The following STPG4 variants were observed in gnomAD, a reference collection of about 807,000 sequenced individuals.
STPG4 encodes the protein protein STPG4.
A neutral mutation model predicts 31.5 loss-of-function variants in STPG4; 41 were observed. That is an observed-to-expected ratio of 1.30 (90% CI 1.01 to 1.69). The LOEUF (loss-of-function observed/expected upper bound fraction) is 1.69. STPG4 is among the 40% of genes most tolerant of loss of function. The pLI, the probability that STPG4 is intolerant of heterozygous loss-of-function variation, is 0.00. For missense variants in STPG4, 375 were observed against 293.4 expected (o/e 1.28, Z -2.03); for synonymous variants, 141 against 103.0 (o/e 1.37, Z -2.24).
At chr2:47,105,279 T>C (rs1422739081) in intron 5 of STPG4, among the ~76,000 whole-genome samples, 2 of 151,926 alleles carry the variant, frequency 1.3e-5, no homozygotes, top group Non-Finnish European at 1.5e-5. Context: ...AAGGCTGGCC[T>C]CGCTGTTTAA....
At chr2:47,131,779 T>A (rs1414625422) in intron 3 of STPG4, among the ~76,000 whole-genome samples, 1 of 152,170 alleles carries the variant, frequency 6.6e-6, no homozygotes, top group East Asian at 1.9e-4. Flanking sequence ...CTAACACTAT[T>A]TCCATCAGGA....
At chr2:47,111,646 T>C (rs1194168476) in intron 5 of STPG4, among the ~76,000 whole-genome samples, 1 of 152,066 alleles carries the variant, frequency 6.6e-6, no homozygotes, top group Non-Finnish European at 1.5e-5. Context: ...TGGTAGAAGT[T>C]TTCAACACAA....
chr2:47,121,166 G>C (rs915371174), intron 5 of STPG4: 2 of 154,252 alleles, frequency 1.3e-5, no homozygotes, highest in African/African-American at 2.4e-5. Context: ...GAAAGCAGAA[G>C]GTCTGGTTGA....
intron 5 of STPG4, among the ~76,000 whole-genome samples, chr2:47,121,591 A>G (rs1326130500): frequency 6.6e-6 from 1 of 152,246 alleles, no homozygotes; most frequent in African/African-American, 2.4e-5. Flanking sequence ...GTATTCATTC[A>G]CTATGACTGC....
intron 5 of STPG4, among the ~76,000 whole-genome samples, chr2:47,110,052 T>C (rs1686004036): frequency 6.7e-6 from 1 of 148,320 alleles, no homozygotes; most frequent in South Asian, 2.1e-4. Context: ...AGAAACCCAC[T>C]TTTTTTTGTT....
chr2:47,091,357 T>C (rs942013947), intron 5 of STPG4, among the ~76,000 whole-genome samples: 25 of 152,236 alleles, frequency 1.6e-4, no homozygotes, highest in African/African-American at 4.1e-4. Flanking sequence ...AGAGTGGTTA[T>C]TGGTTGTTGC....
chr2:47,126,297 CTTCTTCT>C lies in STPG4; in HGVS notation c.519+3637_519+3643del, dbSNP rs552722024. Reference sequence around the variant, plus strand: ...TCTTTCTCCTCTTCCTCCTCTTCCTCTTCTTCTTTCTTCTTTCTTCTTTCTCTCCTTC... The same window carrying C: ...TCTTTCTCCTCTTCCTCCTCTTCCTCTTCTTCTTTCTTCTTTCTCTCCTTC... On this transcript the variant is annotated intron_variant, in intron 5 of 6. Coordinates refer to ENST00000445927, the MANE Select transcript of STPG4 (RefSeq NM_001163561.2). 4.7e-4 allele frequency among the ~76,000 whole-genome samples: 72 copies of C among 151,610 alleles called. 1 individual carries two copies. The South Asian group carries it at 7.3e-3, about 15-fold the overall frequency.
At chr2:47,119,664 T>TA (rs11313929) in intron 5 of STPG4, among the ~76,000 whole-genome samples, 2 of 151,932 alleles carry the variant, frequency 1.3e-5, no homozygotes, top group East Asian at 1.9e-4. Context: ...TCCCATCAAA[T>TA]AAAAAAAGAC....
At chr2:47,144,996 C>A (rs1239208537) in intron 3 of STPG4, among the ~76,000 whole-genome samples, 1 of 152,222 alleles carries the variant, frequency 6.6e-6, no homozygotes, top group Non-Finnish European at 1.5e-5. Flanking sequence ...TCCCAAAGTG[C>A]TGGGATTACA....
At position 47,089,759 on chromosome 2, in the gene STPG4, T is replaced by C. The variant is rs115579350; in HGVS notation, c.624+511A>G. 3.3e-3 allele frequency among the ~76,000 whole-genome samples: 498 copies of C among 152,314 alleles called. 3 individuals are homozygous for C. Among genetic ancestry groups the C allele is most frequent in the African/African-American group, 0.011 (442 of 41,572 alleles). ...TCCTGTATGCTCCCAGGATCCACTT[T>C]CTTTGTATCTCTCCATGGACTTGAG... On this transcript the variant is annotated intron_variant, in intron 6 of 6. Coordinates refer to ENST00000445927, the MANE Select transcript of STPG4 (RefSeq NM_001163561.2).
chr2:47,112,194 T>A (rs1012010651), intron 5 of STPG4, among the ~76,000 whole-genome samples: 5 of 152,182 alleles, frequency 3.3e-5, no homozygotes, highest in Non-Finnish European at 7.3e-5. Context: ...TGAGACGGAG[T>A]CTTGCTCTGT....
chr2:47,145,319 G>T (rs1358475387), intron 3 of STPG4, among the ~76,000 whole-genome samples: 3 of 152,180 alleles, frequency 2.0e-5, no homozygotes, highest in Non-Finnish European at 4.4e-5. Flanking sequence ...CTTCCTGAAA[G>T]TAAACTCTCC....
Position 47,113,355 on chromosome 2 carries a change from A to T in STPG4, c.519+16586T>A, listed in dbSNP as rs1044450818. Reference sequence around the variant, plus strand: ...AATATCTCTTAACTATATAGAGTTTAAACAAATCAACAGAAAAGAATACTA... The same window carrying T: ...AATATCTCTTAACTATATAGAGTTTTAACAAATCAACAGAAAAGAATACTA... On this transcript the variant is annotated intron_variant, in intron 5 of 6. Transcript: ENST00000445927. Among the ~76,000 whole-genome samples the T allele has an allele frequency of 1.1e-4, 17 of 152,242 alleles. 2 individuals are homozygous for T. The highest frequency in any genetic ancestry group is 1.0e-3 in the Admixed American group (16 of 15,284).
At position 47,105,536 on chromosome 2, in the gene STPG4, A is replaced by G. The variant is rs566084629; in HGVS notation, c.520-15162T>C. Among the ~76,000 whole-genome samples the G allele has an allele frequency of 1.1e-4, 17 of 152,164 alleles. 1 individual carries two copies. Among genetic ancestry groups the G allele is most frequent in the African/African-American group, 3.9e-4 (16 of 41,438 alleles). On this transcript the variant is annotated intron_variant, in intron 5 of 6. Transcript: ENST00000445927. ...CCAGAGGATGGGGAACCAATCGAAC[A>G]TGACTGCCAACAAATTATAGTCCAG...
chr2:47,120,473 A>G (rs1686245355), intron 5 of STPG4, among the ~76,000 whole-genome samples: 1 of 152,186 alleles, frequency 6.6e-6, no homozygotes, highest in South Asian at 2.1e-4. Context: ...AGGCTGAAGC[A>G]GGAGAATGGC....
intron 5 of STPG4, among the ~76,000 whole-genome samples, chr2:47,101,174 A>C (rs1685792037): frequency 6.6e-6 from 1 of 151,808 alleles, no homozygotes; most frequent in Non-Finnish European, 1.5e-5. Context: ...TCAGCCAGCT[A>C]AAAGTGACTA....
In STPG4 at chr2:47,111,991, A is replaced by T. The variant is rs1011185720; in HGVS notation, c.519+17950T>A. Among the ~76,000 whole-genome samples the T allele has an allele frequency of 3.3e-5, 5 of 152,234 alleles. No individual in the cohort carries two copies. In the South Asian group the frequency reaches 1.0e-3, roughly 32 times the overall value. Reference sequence around the variant, plus strand: ...TGCATGTTTTGTTTTGTTTTTAACAAGTGAGAATAGCTCCTCTATATCAAG... The same window carrying T: ...TGCATGTTTTGTTTTGTTTTTAACATGTGAGAATAGCTCCTCTATATCAAG... On this transcript the variant is annotated intron_variant, in intron 5 of 6. Transcript: ENST00000445927.
chr2:47,149,956 C>A (rs1338901208), intron 3 of STPG4, among the ~76,000 whole-genome samples: 1 of 152,152 alleles, frequency 6.6e-6, no homozygotes, highest in Non-Finnish European at 1.5e-5. Context: ...AGGCGAGGGG[C>A]ACATGGTAGA....
Position 47,130,532 on chromosome 2 carries a change from T to C in STPG4, c.400-272A>G, listed in dbSNP as rs796624907. Among the ~76,000 whole-genome samples, 13 of 152,340 alleles carry C rather than the reference T, an allele frequency of 8.5e-5. 1 individual carries two copies. Among genetic ancestry groups the C allele is most frequent in the African/African-American group, 2.9e-4 (12 of 41,568 alleles). On this transcript the variant is annotated intron_variant, in intron 3 of 6. Transcript: ENST00000445927. The stretch of plus-strand genomic sequence containing the variant: ...GATCACAGTTTTTCTTTTTATTTTT[T>C]TGAGATGGAGTCTCGCTCTGTCGCC...
Sources: allele counts gnomAD v4.1 joint callset (sites outside exome capture counted in the v4.1 genomes callset), GRCh38; gene constraint gnomAD v4.1.1; transcripts MANE v1.5; gene names NCBI Gene and HGNC (gene_info 2026-07-23, HGNC 2026-07-21).